Variants in HIPK2 observed in about 807,000 individuals in gnomAD.
The protein encoded by HIPK2 is homeodomain-interacting protein kinase 2.
HIPK2 carries 27 observed loss-of-function variants against 113.7 expected under a neutral mutation model. The ratio of observed to expected loss-of-function variants is 0.24; its 90% CI spans 0.17 to 0.33. The LOEUF is 0.33. HIPK2 is among the 10% of genes least tolerant of loss of function. HIPK2 has a pLI of 1.00. For missense variants in HIPK2, 1,257 were observed against 1,588.0 expected (o/e 0.79, Z 3.54); for synonymous variants, 631 against 642.2 (o/e 0.98, Z 0.26).
At chr7:139,620,648 A>G in intron 6 of HIPK2, 85 bp from the exon 7 acceptor site, 1 of 1,504,672 alleles carries the variant, frequency 6.6e-7, no homozygotes, top group Non-Finnish European at 9.1e-7. Context: ...AAACAAAGGA[A>G]AGGAGAGAAG....
At chr7:139,624,264 C>T (rs563535200) in intron 6 of HIPK2, among the ~76,000 whole-genome samples, 1 of 152,290 alleles carries the variant, frequency 6.6e-6, no homozygotes, top group Admixed American at 6.5e-5. Context: ...CTCAGCTGAT[C>T]CGCCCTCCTT....
At chr7:139,662,131 A>G (rs1308396886) in intron 2 of HIPK2, among the ~76,000 whole-genome samples, 1 of 152,198 alleles carries the variant, frequency 6.6e-6, no homozygotes, top group Non-Finnish European at 1.5e-5. Context: ...TCACTCACAT[A>G]GATTTTTGCA....
chr7:139,715,909 T>C, intron 2 of HIPK2, 23 bp downstream of exon 2: 1 of 1,601,672 alleles, frequency 6.2e-7, no homozygotes, highest in Non-Finnish European at 8.5e-7. Flanking sequence ...CAGCAGCTCC[T>C]GTCTCCTTGT....
At chr7:139,697,794 C>A (rs1381897185) in intron 2 of HIPK2, among the ~76,000 whole-genome samples, 1 of 151,996 alleles carries the variant, frequency 6.6e-6, no homozygotes, top group Non-Finnish European at 1.5e-5. Context: ...AGTAAAATCC[C>A]TTATCTATTA....
intron 2 of HIPK2, among the ~76,000 whole-genome samples, chr7:139,681,041 T>C (rs1350243702): frequency 1.3e-5 from 2 of 152,232 alleles, no homozygotes; most frequent in South Asian, 4.1e-4. Context: ...AAAGCCACTC[T>C]TCAAGCTCTA....
rs141209113 is a variant in HIPK2 at position 139,601,161 on chromosome 7, T to C, written c.2256-565A>G. On this transcript the variant is annotated intron_variant, in intron 10 of 14. Transcript: ENST00000406875. Reference sequence around the variant, plus strand: ...CGGGAGGCTGAGGTGGCAGGATCACTTAAGCCTGGGAGGCAGAGGTTGCAT... The same window carrying C: ...CGGGAGGCTGAGGTGGCAGGATCACCTAAGCCTGGGAGGCAGAGGTTGCAT... 4.5e-3 allele frequency among the ~76,000 whole-genome samples: 690 copies of C among 152,014 alleles called. 7 individuals carry two copies. Among genetic ancestry groups the C allele is most frequent in the African/African-American group, 0.016 (647 of 41,454 alleles).
At chr7:139,705,866 T>C (rs1004302316) in intron 2 of HIPK2, among the ~76,000 whole-genome samples, 2 of 149,312 alleles carry the variant, frequency 1.3e-5, no homozygotes, top group South Asian at 2.1e-4. Flanking sequence ...ATTTCCTGAG[T>C]GCTCACTATG....
chr7:139,718,832 T>C (rs1181723424), intron 1 of HIPK2, among the ~76,000 whole-genome samples: 3 of 152,162 alleles, frequency 2.0e-5, no homozygotes, highest in Non-Finnish European at 2.9e-5. Flanking sequence ...CCCCTCTTAA[T>C]TCTTTCCCTC....
At chr7:139,638,113 C>T (rs1018415681) in intron 2 of HIPK2, among the ~76,000 whole-genome samples, 1 of 152,164 alleles carries the variant, frequency 6.6e-6, no homozygotes, top group Non-Finnish European at 1.5e-5. Flanking sequence ...CCTCTAGAGC[C>T]TCCACCTTAG....
chr7:139,746,989 C>A (rs927830247), intron 1 of HIPK2, among the ~76,000 whole-genome samples: 9 of 152,186 alleles, frequency 5.9e-5, no homozygotes, highest in African/African-American at 2.2e-4. Context: ...GAAAAAGAGG[C>A]AATTTTTAAA....
At chr7:139,695,274 C>A (rs1020693936) in intron 2 of HIPK2, among the ~76,000 whole-genome samples, 30 of 152,350 alleles carry the variant, frequency 2.0e-4, no homozygotes, top group Admixed American at 1.7e-3. Flanking sequence ...GAGCCGTGGT[C>A]CTCGTCATCA....
At chr7:139,663,367 G>A (rs564497462) in intron 2 of HIPK2, among the ~76,000 whole-genome samples, 8 of 152,304 alleles carry the variant, frequency 5.3e-5, no homozygotes, top group African/African-American at 1.7e-4. Context: ...GGGCAGCAGT[G>A]CAATGCAGCT....
chr7:139,671,253 T>A (rs537695338), intron 2 of HIPK2, among the ~76,000 whole-genome samples: 4 of 152,164 alleles, frequency 2.6e-5, no homozygotes, highest in Admixed American at 2.6e-4. Context: ...GAAATTGGCA[T>A]GTCAAACAAT....
At chr7:139,765,877 G>C (rs749057537) in intron 1 of HIPK2, among the ~76,000 whole-genome samples, 5 of 152,198 alleles carry the variant, frequency 3.3e-5, no homozygotes, top group South Asian at 2.1e-4. Flanking sequence ...ACACTGGATA[G>C]AGCTAACCCC....
chr7:139,639,213 T>G (rs908238393), intron 2 of HIPK2, among the ~76,000 whole-genome samples: 3 of 152,206 alleles, frequency 2.0e-5, no homozygotes, highest in Admixed American at 2.0e-4. Context: ...CCCCCTGCTC[T>G]GCTAGTCTAT....
At chr7:139,619,927 A>AT (rs1349894275) in intron 7 of HIPK2, among the ~76,000 whole-genome samples, 9 of 152,046 alleles carry the variant, frequency 5.9e-5, no homozygotes, top group African/African-American at 1.9e-4. Flanking sequence ...TACCCAGCTA[A>AT]TTTTTTGTAT....
At chr7:139,627,134 TGAAAA>T (rs1163316965) in intron 5 of HIPK2, among the ~76,000 whole-genome samples, 1 of 152,130 alleles carries the variant, frequency 6.6e-6, no homozygotes, top group Admixed American at 6.5e-5. Context: ...AACCACAAGA[TGAAAA>T]GAGTTCTGGA....
At chr7:139,606,298 G>A (rs1236584026) in intron 9 of HIPK2, among the ~76,000 whole-genome samples, 1 of 152,164 alleles carries the variant, frequency 6.6e-6, no homozygotes, top group Non-Finnish European at 1.5e-5. Flanking sequence ...CCAGTTCTGT[G>A]AGGTAGGGAC....
chr7:139,640,219 A>G (rs572375181), intron 2 of HIPK2, among the ~76,000 whole-genome samples: 1 of 152,336 alleles, frequency 6.6e-6, no homozygotes, highest in Non-Finnish European at 1.5e-5. Context: ...GACACTGAAA[A>G]TTCTATCTTT....
Sources: gnomAD v4.1 joint callset for allele counts (sites outside exome capture counted in the v4.1 genomes callset) on GRCh38, gnomAD v4.1.1 for gene constraint, MANE v1.5 for transcripts, NCBI Gene and HGNC (gene_info 2026-07-23, HGNC 2026-07-21) for gene names.